IQGAP2: variants seen among roughly 807,000 people sequenced by gnomAD.
The protein encoded by IQGAP2 is ras GTPase-activating-like protein IQGAP2.
In IQGAP2, 173 loss-of-function variants were observed where a neutral mutation model predicts 201.3. That is an observed-to-expected ratio of 0.86 (90% CI 0.76 to 0.98). The LOEUF is 0.98. IQGAP2 is among the 50% of genes least tolerant of loss of function. The probability of loss-of-function intolerance (pLI) is 0.00; values close to 1 mark genes in which losing one functional copy is unlikely to be tolerated. For missense variants in IQGAP2, 1,687 were observed against 1,864.8 expected, an observed-to-expected ratio of 0.90 and a Z score of 1.76; for synonymous variants, 675 against 673.9, an observed-to-expected ratio of 1.00 and a Z score of -0.03.
intron 10 of IQGAP2, 84 bp downstream of exon 10, chr5:76,597,686 T>C: frequency 7.1e-7 from 1 of 1,416,836 alleles, no homozygotes; most frequent in Non-Finnish European, 9.8e-7. Flanking sequence ...GAAAGGGGAA[T>C]AGGGATCGGG....
chr5:76,549,747 G>A (rs1016021959), intron 2 of IQGAP2, among the ~76,000 whole-genome samples: 2 of 152,046 alleles, frequency 1.3e-5, no homozygotes, highest in Non-Finnish European at 2.9e-5. Flanking sequence ...TTCAGCCCTG[G>A]GAGCTCTCTG....
In IQGAP2 at chr5:76,637,106, A is replaced by C. The variant is rs763750761; in HGVS notation, c.1853A>C (p.Lys618Thr). 1 of 1,612,032 alleles carries C rather than the reference A, an allele frequency of 6.2e-7. No homozygotes were observed. The highest frequency in any genetic ancestry group is 8.5e-7 in the Non-Finnish European group (1 of 1,178,434). Residue 618 changes from lysine to threonine, a missense_variant, in exon 16 of 36, where the codon AAA (lysine) becomes ACA (threonine). Physicochemically the swap from Lys to Thr is moderately conservative, Grantham distance 78. Transcript: ENST00000274364. ...GACTACTATTACAACACTGATTCAA[A>C]AGAGAGTTCCTGGGTCACACCTGAA... ...KYDYYYNTDSKESSWVTPESC... is the reference protein window; with the variant it reads ...KYDYYYNTDSTESSWVTPESC...
rs1485373095 is a variant in IQGAP2, at chr5:76,589,664, G to A, written c.576G>A (p.Gln192=). 6.2e-7 allele frequency: 1 copy of A among 1,609,676 alleles called. No individual in the cohort carries two copies. The highest frequency in any genetic ancestry group is 1.1e-5 in the South Asian group (1 of 89,958). Residue 192 remains glutamine (Q), a synonymous_variant, in exon 7 of 36, where the codon CAG becomes CAA. Coordinates refer to ENST00000274364, the MANE Select transcript of IQGAP2 (RefSeq NM_006633.5). ...AAGAACTTGAGAAATATGGAATACA[G>A]ATGCCATCTTTCAGCAAAATAGGTG... ...MRKELEKYGI[Q]MPSFSKIGGI... is the part of the protein sequence containing the mutation.
intron 2 of IQGAP2, among the ~76,000 whole-genome samples, chr5:76,488,390 T>A (rs1305181168): frequency 6.6e-6 from 1 of 152,214 alleles, no homozygotes; most frequent in African/African-American, 2.4e-5. Context: ...AAATTATTGG[T>A]TGTTTTTTTC....
At chr5:76,649,812 C>G (rs186190186) in intron 17 of IQGAP2, among the ~76,000 whole-genome samples, 56 of 152,342 alleles carry the variant, frequency 3.7e-4, no homozygotes, top group South Asian at 1.9e-3. Flanking sequence ...CATGACAGTT[C>G]TGCTCCTGCA....
rs924315814 is a variant in IQGAP2, at chr5:76,655,511, A to C, written c.2320+508A>C. ...CGCCCAGGCTGGAATGCAGTGGCGC[A>C]ATCTTGGCTCACTGCAACCTCCACC... On this transcript the variant is annotated intron_variant, in intron 20 of 35. Transcript: ENST00000274364. 1.1e-4 allele frequency among the ~76,000 whole-genome samples: 16 copies of C among 152,092 alleles called. 1 individual carries two copies. In the South Asian group the frequency reaches 2.7e-3, roughly 26 times the overall value.
At chr5:76,426,887 C>CG (rs1188973749) in intron 1 of IQGAP2, among the ~76,000 whole-genome samples, 1 of 135,094 alleles carries the variant, frequency 7.4e-6, no homozygotes, top group Non-Finnish European at 1.6e-5. Flanking sequence ...CTGAGCCAAG[C>CG]GGGGAAAAAC....
chr5:76,519,138 C>T (rs1329098221), intron 2 of IQGAP2, among the ~76,000 whole-genome samples: 1 of 151,988 alleles, frequency 6.6e-6, no homozygotes, highest in Non-Finnish European at 1.5e-5. Flanking sequence ...TTATATATTC[C>T]TGTAATCACC....
At chr5:76,526,650 G>A (rs910123242) in intron 2 of IQGAP2, among the ~76,000 whole-genome samples, 5 of 152,046 alleles carry the variant, frequency 3.3e-5, no homozygotes, top group African/African-American at 1.2e-4. Flanking sequence ...TTCTTCCACC[G>A]GAGACGTAGG....
At position 76,580,682 on chromosome 5, in the gene IQGAP2, A is replaced by G. The variant is rs112349553; in HGVS notation, c.458+4913A>G. 8.3e-3 allele frequency among the ~76,000 whole-genome samples: 1,266 copies of G among 152,084 alleles called. 16 individuals are homozygous for G. Among genetic ancestry groups the G allele is most frequent in the African/African-American group, 0.028 (1,179 of 41,502 alleles). ...TATCTCTTTCTTTTTGATGAACCAGATTGTTTCAGCTTGGTCAGTCTGAGC... is the reference window on the plus strand; with the variant it reads ...TATCTCTTTCTTTTTGATGAACCAGGTTGTTTCAGCTTGGTCAGTCTGAGC... On this transcript the variant is annotated intron_variant, in intron 5 of 35. Coordinates refer to ENST00000274364, the MANE Select transcript of IQGAP2 (RefSeq NM_006633.5).
At chr5:76,647,254 C>G (rs1289501680) in intron 17 of IQGAP2, among the ~76,000 whole-genome samples, 1 of 152,104 alleles carries the variant, frequency 6.6e-6, no homozygotes, top group Non-Finnish European at 1.5e-5. Flanking sequence ...AAGTAGTGAA[C>G]CTTGGGACCC....
At chr5:76,649,080 G>C (rs1425578717) in intron 17 of IQGAP2, among the ~76,000 whole-genome samples, 1 of 152,138 alleles carries the variant, frequency 6.6e-6, no homozygotes, top group Non-Finnish European at 1.5e-5. Flanking sequence ...TTCACACAAA[G>C]ACATATCATA....
At chr5:76,672,491 TAAAAAGTCAGG>T (rs2150486987) in intron 24 of IQGAP2, among the ~76,000 whole-genome samples, 1 of 152,290 alleles carries the variant, frequency 6.6e-6, no homozygotes, top group South Asian at 2.1e-4. Flanking sequence ...TTTGTAATAA[TAAAAAGTCAGG>T]AAAAGTCAAA....
intron 3 of IQGAP2, among the ~76,000 whole-genome samples, chr5:76,566,182 G>A (rs1429914898): frequency 2.0e-5 from 3 of 152,164 alleles, no homozygotes; most frequent in Middle Eastern, 3.4e-3. Context: ...AGCAGACAAG[G>A]GCCTGGTTTC....
chr5:76,563,766 C>T (rs1744546892), intron 3 of IQGAP2, among the ~76,000 whole-genome samples: 1 of 151,932 alleles, frequency 6.6e-6, no homozygotes. Context: ...GCAGATTTTC[C>T]AGTATTCTGA....
At chr5:76,636,829 G>C (rs1325554664) in intron 15 of IQGAP2, among the ~76,000 whole-genome samples, 1 of 152,106 alleles carries the variant, frequency 6.6e-6, no homozygotes, top group African/African-American at 2.4e-5. Context: ...TTAGATATTT[G>C]TGTCTCTTCC....
chr5:76,529,635 T>TAATAAG (rs1280140814), intron 2 of IQGAP2, among the ~76,000 whole-genome samples: 6 of 29,830 alleles, frequency 2.0e-4, no homozygotes, highest in Non-Finnish European at 5.2e-4. Context: ...CTCGGAATAA[T>TAATAAG]AATAATAATA....
At chr5:76,688,158 A>G (rs546698966) in intron 30 of IQGAP2, among the ~76,000 whole-genome samples, 5 of 152,354 alleles carry the variant, frequency 3.3e-5, no homozygotes, top group African/African-American at 1.2e-4. Flanking sequence ...AAATTTAACT[A>G]AAATCGGACA....
chr5:76,615,834 A>C (rs1748908832), intron 13 of IQGAP2: 1 of 152,574 alleles, frequency 6.6e-6, no homozygotes, highest in African/African-American at 2.4e-5. Context: ...ATTATTTAAA[A>C]CTTCTAAATG....
Sources: allele counts gnomAD v4.1 joint callset (sites outside exome capture counted in the v4.1 genomes callset), GRCh38; gene constraint gnomAD v4.1.1; transcripts MANE v1.5; gene names NCBI Gene and HGNC (gene_info 2026-07-23, HGNC 2026-07-21).